The following GRXCR1 variants were observed in gnomAD, a reference collection of about 807,000 sequenced individuals.
The protein encoded by GRXCR1 is glutaredoxin domain-containing cysteine-rich protein 1.
A neutral mutation model predicts 27.3 loss-of-function variants in GRXCR1; 27 were observed. That is an observed-to-expected ratio of 0.99 (90% confidence interval 0.73 to 1.37). GRXCR1 has a LOEUF of 1.37. GRXCR1 is among the 40% of genes most tolerant of loss of function. The pLI is 0.00. For missense variants in GRXCR1, 379 were observed against 354.4 expected, an observed-to-expected ratio of 1.07 and a Z score of -0.56; for synonymous variants, 122 against 131.1, an observed-to-expected ratio of 0.93 and a Z score of 0.47.
intron 1 of GRXCR1, among the ~76,000 whole-genome samples, chr4:42,922,538 A>C (rs1747038742): frequency 6.6e-6 from 1 of 152,120 alleles, no homozygotes; most frequent in Non-Finnish European, 1.5e-5. Context: ...CTGGGTACTT[A>C]GAACATGATT....
At chr4:42,929,002 C>G (rs1266589469) in intron 1 of GRXCR1, among the ~76,000 whole-genome samples, 1 of 151,924 alleles carries the variant, frequency 6.6e-6, no homozygotes, top group African/African-American at 2.4e-5. Flanking sequence ...GTCAAAACAT[C>G]ATTATATATA....
intron 2 of GRXCR1, among the ~76,000 whole-genome samples, chr4:42,993,045 T>G (rs1485137393): frequency 1.3e-5 from 2 of 152,092 alleles, no homozygotes; most frequent in Non-Finnish European, 2.9e-5. Flanking sequence ...TGGCAAATGC[T>G]GCTTTAATAA....
intron 1 of GRXCR1, among the ~76,000 whole-genome samples, chr4:42,917,308 T>C (rs1206987688): frequency 6.6e-6 from 1 of 152,154 alleles, no homozygotes; most frequent in Non-Finnish European, 1.5e-5. Context: ...ATGGCACAAA[T>C]GAGAGCTCCG....
intron 2 of GRXCR1, among the ~76,000 whole-genome samples, chr4:42,980,695 C>G (rs141043406): frequency 6.6e-6 from 1 of 151,978 alleles, no homozygotes; most frequent in South Asian, 2.1e-4. Context: ...TATTGATTTT[C>G]TGTCTGGATA....
At chr4:42,981,342 C>T (rs867091796) in intron 2 of GRXCR1, among the ~76,000 whole-genome samples, 7 of 151,718 alleles carry the variant, frequency 4.6e-5, no homozygotes, top group African/African-American at 1.7e-4. Context: ...CCACAATGTG[C>T]CCCCCCATAT....
intron 2 of GRXCR1, among the ~76,000 whole-genome samples, chr4:42,990,699 G>A (rs1262107415): frequency 1.3e-5 from 2 of 151,552 alleles, no homozygotes; most frequent in African/African-American, 4.8e-5. Flanking sequence ...TTATTGCATT[G>A]TCATTAGACA....
At chr4:43,012,450 T>G (rs1409348472) in intron 2 of GRXCR1, among the ~76,000 whole-genome samples, 1 of 152,188 alleles carries the variant, frequency 6.6e-6, no homozygotes, top group Non-Finnish European at 1.5e-5. Flanking sequence ...CCAAAGACAA[T>G]GTAAGACTTT....
At chr4:42,945,681 G>T (rs549680925) in intron 1 of GRXCR1, among the ~76,000 whole-genome samples, 1 of 152,222 alleles carries the variant, frequency 6.6e-6, no homozygotes, top group Admixed American at 6.6e-5. Context: ...CTACCAGGTG[G>T]AGGGTAGATG....
chr4:43,019,338 C>T (rs187347807), intron 2 of GRXCR1, among the ~76,000 whole-genome samples: 42 of 152,184 alleles, frequency 2.8e-4, no homozygotes, highest in African/African-American at 6.0e-4. Flanking sequence ...AGAACTAGAA[C>T]GTTTTTATTT....
At chr4:42,914,053 G>C (rs999643379) in intron 1 of GRXCR1, among the ~76,000 whole-genome samples, 1 of 152,222 alleles carries the variant, frequency 6.6e-6, no homozygotes, top group Non-Finnish European at 1.5e-5. Context: ...GTTTGCTACA[G>C]GTGCAGAGCC....
intron 2 of GRXCR1, among the ~76,000 whole-genome samples, chr4:43,004,229 C>A (rs1339388996): frequency 6.6e-6 from 1 of 152,234 alleles, no homozygotes; most frequent in Admixed American, 6.5e-5. Flanking sequence ...TGTGAGTGTG[C>A]AAGAGATGAG....
intron 1 of GRXCR1, among the ~76,000 whole-genome samples, chr4:42,919,415 A>G (rs1191338097): frequency 6.6e-6 from 1 of 152,108 alleles, no homozygotes; most frequent in East Asian, 1.9e-4. Flanking sequence ...GCAGCTTCTT[A>G]GTCTACCTTC....
chr4:42,941,989 C>T (rs1747636044), intron 1 of GRXCR1, among the ~76,000 whole-genome samples: 4 of 152,092 alleles, frequency 2.6e-5, no homozygotes, highest in Admixed American at 2.0e-4. Flanking sequence ...AAAACTAACA[C>T]AGCAACTTGA....
chr4:42,910,843 A>G (rs911471207), intron 1 of GRXCR1, among the ~76,000 whole-genome samples: 1 of 151,776 alleles, frequency 6.6e-6, no homozygotes, highest in East Asian at 1.9e-4. Flanking sequence ...AGGGGAGTGC[A>G]TGCTGATTTT....
At chr4:42,923,469 G>T (rs1384000996) in intron 1 of GRXCR1, among the ~76,000 whole-genome samples, 2 of 152,048 alleles carry the variant, frequency 1.3e-5, no homozygotes, top group African/African-American at 2.4e-5. Context: ...AGGTAACTTT[G>T]CCAGTTAAAA....
At chr4:42,989,578 C>G (rs1371130370) in intron 2 of GRXCR1, among the ~76,000 whole-genome samples, 1 of 152,204 alleles carries the variant, frequency 6.6e-6, no homozygotes, top group East Asian at 1.9e-4. Flanking sequence ...CTCCTATGAG[C>G]TACCTGTATC....
intron 2 of GRXCR1, among the ~76,000 whole-genome samples, chr4:42,990,135 A>G (rs1014212758): frequency 5.3e-5 from 6 of 113,858 alleles, no homozygotes; most frequent in Middle Eastern, 4.9e-3. Flanking sequence ...AATACTTTTG[A>G]TGTTCATTGT....
intron 1 of GRXCR1, among the ~76,000 whole-genome samples, chr4:42,944,838 G>C (rs1577915557): frequency 1.3e-5 from 2 of 152,230 alleles, no homozygotes; most frequent in East Asian, 3.9e-4. Flanking sequence ...GCTGTTTTGG[G>C]AAAGGTTTTT....
chr4:42,914,845 A>G (rs1746849981), intron 1 of GRXCR1, among the ~76,000 whole-genome samples: 1 of 152,084 alleles, frequency 6.6e-6, no homozygotes, highest in Non-Finnish European at 1.5e-5. Context: ...AGTTTCCCCC[A>G]TGCTGTTCTC....
Sources: gnomAD v4.1 joint callset for allele counts (sites outside exome capture counted in the v4.1 genomes callset) on GRCh38, gnomAD v4.1.1 for gene constraint, MANE v1.5 for transcripts, NCBI Gene and HGNC (gene_info 2026-07-23, HGNC 2026-07-21) for gene names.